Variants in ADGRL3 observed in about 807,000 individuals in gnomAD.
The protein encoded by ADGRL3 is adhesion G protein-coupled receptor L3.
ADGRL3 carries 62 observed loss-of-function variants against 153.5 expected under a neutral mutation model. The observed-to-expected ratio is 0.40, with a 90% CI of 0.33 to 0.50. ADGRL3 has a LOEUF of 0.50. ADGRL3 is among the 20% of genes least tolerant of loss of function. The pLI, the probability that ADGRL3 is intolerant of heterozygous loss-of-function variation, is 0.47. For synonymous variants in ADGRL3, 710 were observed against 672.5 expected, an observed-to-expected ratio of 1.06 and a Z score of -0.86; for missense variants, 1,641 against 1,859.4, an observed-to-expected ratio of 0.88 and a Z score of 2.16.
At chr4:61,895,888 T>A (rs1397108700) in intron 11 of ADGRL3, 54 bp downstream of exon 11, 3 of 946,840 alleles carry the variant, frequency 3.2e-6, no homozygotes, top group African/African-American at 1.7e-5. Context: ...CATCTGTTGT[T>A]GATGATAGCT....
chr4:61,253,674 T>C (rs1173294426), intron 1 of ADGRL3, among the ~76,000 whole-genome samples: 1 of 141,332 alleles, frequency 7.1e-6, no homozygotes, highest in Non-Finnish European at 1.5e-5. Context: ...TGCACAACTT[T>C]GTTTGTATGT....
At chr4:61,253,078 T>A (rs541117121) in intron 1 of ADGRL3, among the ~76,000 whole-genome samples, 8 of 152,326 alleles carry the variant, frequency 5.3e-5, no homozygotes, top group African/African-American at 1.9e-4. Flanking sequence ...GGAATCTGGC[T>A]GCTTTCTGAA....
intron 4 of ADGRL3, among the ~76,000 whole-genome samples, chr4:61,568,425 T>G (rs2098825157): frequency 6.6e-6 from 1 of 152,166 alleles, no homozygotes; most frequent in Admixed American, 6.6e-5. Flanking sequence ...TTCTTTTCTC[T>G]TTGAAATTCA....
intron 1 of ADGRL3, among the ~76,000 whole-genome samples, chr4:61,331,310 G>A (rs187349479): frequency 2.6e-5 from 4 of 152,186 alleles, no homozygotes; most frequent in East Asian, 3.9e-4. Flanking sequence ...TAGGAGATAC[G>A]TCCTCCAATA....
In ADGRL3 at chr4:61,832,343, C is replaced by A. The variant is rs544521179; in HGVS notation, c.1480+18454C>A. Reference sequence around the variant, plus strand: ...TCCCAGGTAATCTCTTGGAGCTGTCCTCAGGACAACAGATGAAAGTCAATC... The same window carrying A: ...TCCCAGGTAATCTCTTGGAGCTGTCATCAGGACAACAGATGAAAGTCAATC... On this transcript the variant is annotated intron_variant, in intron 9 of 26. Transcript: ENST00000683033. Among the ~76,000 whole-genome samples, 9 of 152,276 alleles carry A rather than the reference C, an allele frequency of 5.9e-5. No individual in the cohort carries two copies. The South Asian group carries it at 1.9e-3, about 32-fold the overall frequency.
intron 9 of ADGRL3, among the ~76,000 whole-genome samples, chr4:61,888,264 G>T (rs1279656866): frequency 2.0e-5 from 3 of 152,158 alleles, no homozygotes; most frequent in Non-Finnish European, 4.4e-5. Flanking sequence ...TTTAGACAAT[G>T]ACTTTTCTCT....
rs78930389 is a variant in ADGRL3 at position 61,220,231 on chromosome 4, G to A, written c.-240+18466G>A. Among the ~76,000 whole-genome samples the A allele has an allele frequency of 2.1e-4, 32 of 151,768 alleles. No individual in the cohort carries two copies. The East Asian group carries it at 5.0e-3, about 24-fold the overall frequency. Reference sequence around the variant, plus strand: ...ATGAAAATGAGATTTGATTTTTTTCGAAGGTAGGGGCTTAGTATATTAGAT... The same window carrying A: ...ATGAAAATGAGATTTGATTTTTTTCAAAGGTAGGGGCTTAGTATATTAGAT... On this transcript the variant is annotated intron_variant, in intron 1 of 26. Coordinates refer to ENST00000683033, the MANE Select transcript of ADGRL3 (RefSeq NM_001387552.1).
At chr4:61,421,161 C>G (rs375716824) in intron 2 of ADGRL3, among the ~76,000 whole-genome samples, 2 of 152,004 alleles carry the variant, frequency 1.3e-5, no homozygotes, top group South Asian at 2.1e-4. Context: ...GGTGAAACCC[C>G]GTCTCTACTA....
intron 1 of ADGRL3, among the ~76,000 whole-genome samples, chr4:61,360,956 T>C (rs889679223): frequency 1.3e-5 from 2 of 152,184 alleles, no homozygotes; most frequent in African/African-American, 4.8e-5. Flanking sequence ...ACTACTATTA[T>C]GTTTGTATTG....
intron 15 of ADGRL3, among the ~76,000 whole-genome samples, chr4:61,938,035 GCATAAGT>G: frequency 6.6e-6 from 1 of 152,206 alleles, no homozygotes; most frequent in South Asian, 2.1e-4. Context: ...GGGATTGCAG[GCATAAGT>G]CATCACACCC....
chr4:61,656,125 G>A (rs972836641), intron 5 of ADGRL3, among the ~76,000 whole-genome samples: 5 of 152,108 alleles, frequency 3.3e-5, no homozygotes, highest in African/African-American at 1.2e-4. Flanking sequence ...TAAAATGAAA[G>A]GGCAGTGTTC....
intron 1 of ADGRL3, among the ~76,000 whole-genome samples, chr4:61,382,891 A>G (rs1194156439): frequency 6.6e-6 from 1 of 151,846 alleles, no homozygotes; most frequent in Admixed American, 6.6e-5. Flanking sequence ...TACCAAATCC[A>G]TCAATTTTCC....
At chr4:61,869,935 T>A (rs1200451885) in intron 9 of ADGRL3, among the ~76,000 whole-genome samples, 1 of 8,270 alleles carries the variant, frequency 1.2e-4, no homozygotes, top group Non-Finnish European at 4.1e-4. Context: ...CAAAACTTTG[T>A]TAAAAAAAAA....
At chr4:61,746,897 CA>C (rs2096670008) in intron 8 of ADGRL3, among the ~76,000 whole-genome samples, 1 of 151,850 alleles carries the variant, frequency 6.6e-6, no homozygotes, top group South Asian at 2.1e-4. Context: ...AAAAACCCTT[CA>C]AAAAATTAAT....
intron 13 of ADGRL3, among the ~76,000 whole-genome samples, chr4:61,921,033 C>G (rs1390745511): frequency 6.6e-6 from 1 of 151,762 alleles, no homozygotes; most frequent in South Asian, 2.1e-4. Context: ...TAATAAACTA[C>G]CATAGATTTA....
chr4:61,410,022 A>G (rs1425914868), intron 2 of ADGRL3, among the ~76,000 whole-genome samples: 1 of 152,050 alleles, frequency 6.6e-6, no homozygotes, highest in Non-Finnish European at 1.5e-5. Flanking sequence ...TCTCCTCTAA[A>G]GAAACAAATC....
chr4:61,305,645 C>A (rs1438187531), intron 1 of ADGRL3, among the ~76,000 whole-genome samples: 1 of 152,006 alleles, frequency 6.6e-6, no homozygotes, highest in African/African-American at 2.4e-5. Context: ...GTCGGTCCCC[C>A]AAAAGATAGG....
chr4:61,574,815 T>G (rs2098860362), intron 4 of ADGRL3, among the ~76,000 whole-genome samples: 1 of 151,862 alleles, frequency 6.6e-6, no homozygotes, highest in South Asian at 2.1e-4. Flanking sequence ...AATGATAATT[T>G]TAGGATTTAC....
chr4:61,648,029 A>T (rs563772320), intron 5 of ADGRL3, among the ~76,000 whole-genome samples: 1 of 152,190 alleles, frequency 6.6e-6, no homozygotes, highest in Non-Finnish European at 1.5e-5. Context: ...TAAAATGTGT[A>T]TGTTCCATTT....
Sources: allele counts gnomAD v4.1 joint callset (sites outside exome capture counted in the v4.1 genomes callset), GRCh38; gene constraint gnomAD v4.1.1; transcripts MANE v1.5; gene names NCBI Gene and HGNC (gene_info 2026-07-23, HGNC 2026-07-21).